The following CCDC170 variants were observed in gnomAD, a reference collection of about 807,000 sequenced individuals.
CCDC170 encodes the protein coiled-coil domain-containing protein 170.
Under a neutral mutation model 72.6 loss-of-function variants are expected in CCDC170, and 69 were observed. That is an observed-to-expected ratio of 0.95 (90% CI 0.78 to 1.16). The LOEUF (loss-of-function observed/expected upper bound fraction) is 1.16, where lower values mean the gene tolerates loss of function less well. Among genes scored for constraint, CCDC170 ranks in the 50% most tolerant of loss-of-function variants. CCDC170 has a pLI of 0.00. For synonymous variants in CCDC170, 300 were observed against 303.9 expected (o/e 0.99, Z 0.13); for missense variants, 852 against 832.5 (o/e 1.02, Z -0.29).
intron 1 of CCDC170, among the ~76,000 whole-genome samples, chr6:151,504,999 G>A (rs7753324): frequency 0.074 from 11,242 of 152,088 alleles, 518 homozygotes; most frequent in East Asian, 0.17. Flanking sequence ...TGAGAGTAAG[G>A]AGGATTCCCC....
intron 10 of CCDC170, among the ~76,000 whole-genome samples, chr6:151,617,408 C>CTTTTTTTTTT (rs745655791): frequency 4.3e-4 from 39 of 91,470 alleles, no homozygotes; most frequent in Non-Finnish European, 6.0e-4. Flanking sequence ...GCTGTTTGTT[C>CTTTTTTTTTT]TTTTTTTTTT....
intron 5 of CCDC170, among the ~76,000 whole-genome samples, chr6:151,557,235 C>T (rs550054579): frequency 7.9e-5 from 12 of 151,858 alleles, no homozygotes; most frequent in East Asian, 3.9e-4. Flanking sequence ...GGTGGAACCC[C>T]GTCTCTACTA....
intron 8 of CCDC170, among the ~76,000 whole-genome samples, chr6:151,595,863 G>A (rs75872537): frequency 1.3e-5 from 2 of 152,128 alleles, no homozygotes; most frequent in African/African-American, 4.8e-5. Context: ...TGGGGGCCAC[G>A]TGTTCCAGTT....
intron 1 of CCDC170, among the ~76,000 whole-genome samples, chr6:151,496,531 G>A (rs1448198754): frequency 1.3e-5 from 2 of 152,138 alleles, no homozygotes; most frequent in African/African-American, 4.8e-5. Context: ...TTAGATAGGC[G>A]GGGCAGAAAT....
intron 1 of CCDC170, among the ~76,000 whole-genome samples, chr6:151,507,574 T>C (rs1328906165): frequency 6.6e-6 from 1 of 152,150 alleles, no homozygotes; most frequent in Non-Finnish European, 1.5e-5. Flanking sequence ...ACAAAAGTTA[T>C]AAGGCAGCCC....
At chr6:151,533,790 T>G (rs936598265) in intron 1 of CCDC170, among the ~76,000 whole-genome samples, 1 of 152,330 alleles carries the variant, frequency 6.6e-6, no homozygotes, top group East Asian at 1.9e-4. Context: ...ATTTTGTAAT[T>G]ACACAATTCT....
intron 9 of CCDC170, 25 bp from the exon 10 acceptor site, chr6:151,615,418 T>C: frequency 6.6e-7 from 1 of 1,508,938 alleles, no homozygotes; most frequent in Non-Finnish European, 9.2e-7. Flanking sequence ...CAAAAGGAGT[T>C]ATCAGCATTC....
At chr6:151,563,371 C>T (rs977001284) in intron 5 of CCDC170, among the ~76,000 whole-genome samples, 4 of 152,160 alleles carry the variant, frequency 2.6e-5, no homozygotes, top group South Asian at 4.1e-4. Flanking sequence ...GTACTTGGCA[C>T]CTTATCTGTG....
chr6:151,555,489 A>AT (rs1459762841), intron 5 of CCDC170, among the ~76,000 whole-genome samples: 30 of 152,244 alleles, frequency 2.0e-4, no homozygotes, highest in Non-Finnish European at 3.8e-4. Context: ...CCTTCAGGCC[A>AT]TTTAGAATCT....
intron 5 of CCDC170, among the ~76,000 whole-genome samples, chr6:151,564,723 G>A (rs1776102273): frequency 6.6e-6 from 1 of 152,148 alleles, no homozygotes; most frequent in Non-Finnish European, 1.5e-5. Context: ...AAGTGCTCAG[G>A]TGCTAATGAT....
At position 151,604,834 on chromosome 6, in the gene CCDC170, T is replaced by C. The variant is rs182084761; in HGVS notation, c.1710+8257T>C. On this transcript the variant is annotated intron_variant, in intron 9 of 10. Transcript: ENST00000239374. ...TTTGATGCATGTATACAATGGATAA[T>C]GAACAAATCAAGGTAATTAGTGTAT... 7.3e-4 allele frequency among the ~76,000 whole-genome samples: 111 copies of C among 152,332 alleles called. 1 individual carries two copies. In the East Asian group the frequency reaches 0.02, roughly 27 times the overall value.
intron 1 of CCDC170, among the ~76,000 whole-genome samples, chr6:151,525,222 A>G (rs572793890): frequency 1.2e-4 from 18 of 152,168 alleles, no homozygotes; most frequent in Non-Finnish European, 2.2e-4. Flanking sequence ...GTGAGCCACC[A>G]CACCCAGCCT....
At chr6:151,518,738 A>G (rs1782271699) in intron 1 of CCDC170, among the ~76,000 whole-genome samples, 1 of 152,146 alleles carries the variant, frequency 6.6e-6, no homozygotes, top group South Asian at 2.1e-4. Context: ...ACAGAGAGGA[A>G]TTTTACAGCT....
intron 1 of CCDC170, among the ~76,000 whole-genome samples, chr6:151,531,678 C>A (rs116086313): frequency 6.6e-6 from 1 of 152,100 alleles, no homozygotes; most frequent in Non-Finnish European, 1.5e-5. Flanking sequence ...AAAACATACC[C>A]GAGACTGGGT....
intron 1 of CCDC170, among the ~76,000 whole-genome samples, chr6:151,520,447 T>C (rs1325649991): frequency 6.6e-6 from 1 of 152,246 alleles, no homozygotes; most frequent in African/African-American, 2.4e-5. Flanking sequence ...TAAGCTGTCC[T>C]TGTTCCTTCC....
chr6:151,534,357 G>C (rs540941906), intron 1 of CCDC170, among the ~76,000 whole-genome samples: 1 of 149,168 alleles, frequency 6.7e-6, no homozygotes, highest in Non-Finnish European at 1.5e-5. Flanking sequence ...ACCTGGTCTA[G>C]CTTCTTTTCT....
intron 1 of CCDC170, among the ~76,000 whole-genome samples, chr6:151,509,410 G>A (rs1276632225): frequency 1.3e-5 from 2 of 152,082 alleles, no homozygotes; most frequent in Non-Finnish European, 2.9e-5. Flanking sequence ...ACCTCCCATG[G>A]AGGTAGATCC....
In CCDC170 at chr6:151,514,351, G is replaced by C. The variant is rs1368559802; in HGVS notation, c.57+20166G>C. 3.4e-5 allele frequency among the ~76,000 whole-genome samples: 4 copies of C among 116,744 alleles called. No individual in the cohort carries two copies. The East Asian group carries it at 8.3e-4, about 24-fold the overall frequency. 76.6% of individuals were successfully genotyped at this position (116,744 alleles called of 152,430 possible). ...AAGGAAGGAAGGAGGGAGGGAGGGA[G>C]GGAGGGAGGGAGGGAGGGAGGGAGG... is the stretch of plus-strand genomic sequence containing the variant. On this transcript the variant is annotated intron_variant, in intron 1 of 10. Transcript: ENST00000239374.
intron 10 of CCDC170, among the ~76,000 whole-genome samples, chr6:151,617,344 A>G (rs1317669964): frequency 1.3e-5 from 2 of 149,198 alleles, no homozygotes; most frequent in Non-Finnish European, 3.0e-5. Context: ...TCTGTGTGAC[A>G]TGACTTGATA....
Sources: allele counts gnomAD v4.1 joint callset (sites outside exome capture counted in the v4.1 genomes callset), GRCh38; gene constraint gnomAD v4.1.1; transcripts MANE v1.5; gene names NCBI Gene and HGNC (gene_info 2026-07-23, HGNC 2026-07-21).